NEDD9: variants seen among roughly 807,000 people sequenced by gnomAD.
The protein encoded by NEDD9 is neural precursor cell expressed, developmentally down-regulated 9.
A neutral mutation model predicts 76.6 loss-of-function variants in NEDD9; 26 were observed. The observed-to-expected ratio is 0.34, with a 90% confidence interval of 0.25 to 0.47. NEDD9 has a LOEUF of 0.47. Among genes scored for constraint, NEDD9 ranks in the 20% least tolerant of loss-of-function variants. The pLI is 1.00. For synonymous variants in NEDD9, 392 were observed against 414.2 expected (o/e 0.95, Z 0.65); for missense variants, 937 against 1,058.5 (o/e 0.89, Z 1.59).
intron 1 of NEDD9, among the ~76,000 whole-genome samples, chr6:11,225,800 CTTTTT>C (rs5874311): frequency 7.4e-6 from 1 of 135,180 alleles, no homozygotes; most frequent in Non-Finnish European, 1.6e-5. Context: ...CGCGCCCGGC[CTTTTT>C]TTTTTTTTTT....
In NEDD9 at chr6:11,196,857, C is replaced by T. The variant is rs371487775; in HGVS notation, c.460-3165G>A. 5.3e-3 allele frequency among the ~76,000 whole-genome samples: 806 copies of T among 152,222 alleles called. 3 individuals are homozygous for T. Among genetic ancestry groups the T allele is most frequent in the Non-Finnish European group, 8.3e-3 (566 of 68,020 alleles). ...TTGTGACGTGTGGAAGATCAGGGAG[C>T]TCGAAGTCTTCTACTTTTGGACATT... On this transcript the variant is annotated intron_variant, in intron 2 of 6. Transcript: ENST00000379446.
At chr6:11,361,592 T>G (rs1762680582) in intron 1 of NEDD9, among the ~76,000 whole-genome samples, 1 of 152,158 alleles carries the variant, frequency 6.6e-6, no homozygotes, top group African/African-American at 2.4e-5. Flanking sequence ...AGGCCCCACC[T>G]TCAGCACTGG....
At chr6:11,339,639 T>A (rs556889069) in intron 1 of NEDD9, among the ~76,000 whole-genome samples, 1 of 152,370 alleles carries the variant, frequency 6.6e-6, no homozygotes, top group South Asian at 2.1e-4. Context: ...ACACATGTTA[T>A]GCCAGATGAA....
intron 3 of NEDD9, among the ~76,000 whole-genome samples, chr6:11,244,164 T>A (rs1759763748): frequency 1.3e-5 from 2 of 152,136 alleles, no homozygotes; most frequent in Non-Finnish European, 2.9e-5. Flanking sequence ...CAACATCAGC[T>A]CTTCCCAGGG....
At chr6:11,267,235 C>G in intron 3 of NEDD9, among the ~76,000 whole-genome samples, 1 of 152,188 alleles carries the variant, frequency 6.6e-6, no homozygotes, top group Non-Finnish European at 1.5e-5. Context: ...GCAAATGTGT[C>G]CTTTCAAGAA....
chr6:11,360,393 G>A (rs1762657347), intron 1 of NEDD9, among the ~76,000 whole-genome samples: 1 of 152,168 alleles, frequency 6.6e-6, no homozygotes, highest in Admixed American at 6.5e-5. Context: ...AGAACTGTGT[G>A]GTCACCACTT....
rs778864667 is a variant in NEDD9, at chr6:11,190,684, G to T, written c.1185C>A (p.Ser395=). Residue 395 remains serine, a synonymous_variant, in exon 5 of 7, where the codon TCC becomes TCA. Coordinates refer to ENST00000379446, the MANE Select transcript of NEDD9 (RefSeq NM_006403.4). The surrounding 1 kb of genome is among the most constrained non-coding windows in gnomAD (Gnocchi z 5.8). ...TSSKESSLSA[S]PAQDKRLFLD... ...GGAAGAGCCTTTTGTCCTGAGCTGGGGAGGCTGACAGTGAGGACTCCTTGG... is the reference window on the plus strand; with the variant it reads ...GGAAGAGCCTTTTGTCCTGAGCTGGTGAGGCTGACAGTGAGGACTCCTTGG... 1.4e-5 allele frequency: 23 copies of T among 1,614,048 alleles called. No homozygotes were observed. Among genetic ancestry groups the T allele is most frequent in the Non-Finnish European group, 1.9e-5 (23 of 1,180,046 alleles).
intron 2 of NEDD9, among the ~76,000 whole-genome samples, chr6:11,194,336 G>T (rs1581946764): frequency 6.6e-6 from 1 of 152,178 alleles, no homozygotes; most frequent in South Asian, 2.1e-4. Context: ...AGTCCTAGAG[G>T]AGCATTTTGC....
At chr6:11,220,832 A>G (rs1463377930) in intron 1 of NEDD9, among the ~76,000 whole-genome samples, 1 of 152,228 alleles carries the variant, frequency 6.6e-6, no homozygotes, top group East Asian at 1.9e-4. Context: ...TACTTGAATG[A>G]ATGCCATCTA....
chr6:11,375,167 G>A (rs377366095), intron 1 of NEDD9, among the ~76,000 whole-genome samples: 1 of 152,156 alleles, frequency 6.6e-6, no homozygotes, highest in South Asian at 2.1e-4. Flanking sequence ...ATGATAGACT[G>A]TCATACATTC....
At chr6:11,309,887 A>T (rs1465868699) in intron 2 of NEDD9, among the ~76,000 whole-genome samples, 1 of 152,214 alleles carries the variant, frequency 6.6e-6, no homozygotes, top group Non-Finnish European at 1.5e-5. Flanking sequence ...TATGGCAGCT[A>T]AGGGAAGATT....
chr6:11,188,245 C>G lies in NEDD9; in HGVS notation c.1968G>C (p.Gln656His). The G allele has an allele frequency of 6.2e-7, 1 of 1,614,120 alleles. No homozygotes were observed. Among genetic ancestry groups the G allele is most frequent in the Non-Finnish European group, 8.5e-7 (1 of 1,179,984 alleles). ...GATGATGTTCCAGCTGCATCTTGTT[C>G]TGTTTCATGATATTCTCTTTTTCCA... ...ELLEKENIMK[Q>H]NKMQLEHHQL... The change falls in exon 6 of 7, where the codon CAG (glutamine) becomes CAC (histidine). Residue 656 changes from glutamine (Q) to histidine (H), a missense_variant. By Grantham distance (24) the Gln-to-His change is conservative. Transcript: ENST00000379446.
intron 2 of NEDD9, among the ~76,000 whole-genome samples, chr6:11,208,175 C>G (rs369205264): frequency 7.1e-6 from 1 of 140,732 alleles, no homozygotes; most frequent in Admixed American, 7.1e-5. Flanking sequence ...GAGACCCTGA[C>G]TCAAAAAAAA....
chr6:11,299,280 G>A (rs193279545), intron 3 of NEDD9, among the ~76,000 whole-genome samples: 2 of 152,208 alleles, frequency 1.3e-5, no homozygotes, highest in South Asian at 4.1e-4. Context: ...GCAGCTTGAG[G>A]GGGGGAGGGG....
chr6:11,228,104 G>T (rs1382008278), intron 1 of NEDD9, among the ~76,000 whole-genome samples: 1 of 151,306 alleles, frequency 6.6e-6, no homozygotes, highest in East Asian at 1.9e-4. Flanking sequence ...TGCGGGTGGG[G>T]GGCTGGGGAG....
intron 1 of NEDD9, among the ~76,000 whole-genome samples, chr6:11,354,386 T>C (rs1762528653): frequency 6.6e-6 from 1 of 152,168 alleles, no homozygotes; most frequent in East Asian, 1.9e-4. Context: ...TGGAGTCCCA[T>C]GGGTTCTGGG....
chr6:11,192,932 C>CAAAA (rs71550759), intron 3 of NEDD9, among the ~76,000 whole-genome samples: 2 of 28,162 alleles, frequency 7.1e-5, no homozygotes, highest in African/African-American at 1.6e-4. Flanking sequence ...GACTCTGTCT[C>CAAAA]AAAAAAAAAA....
chr6:11,339,283 T>C (rs1325091165), intron 1 of NEDD9, among the ~76,000 whole-genome samples: 1 of 152,230 alleles, frequency 6.6e-6, no homozygotes, highest in Non-Finnish European at 1.5e-5. Context: ...GATGACTGCA[T>C]AGTATTTCTT....
intron 2 of NEDD9, among the ~76,000 whole-genome samples, chr6:11,202,845 G>A (rs536449086): frequency 6.6e-6 from 1 of 152,284 alleles, no homozygotes; most frequent in African/African-American, 2.4e-5. Context: ...TTTTATGCCA[G>A]AACTAAACCT....
Sources: gnomAD v4.1 joint callset for allele counts (sites outside exome capture counted in the v4.1 genomes callset) on GRCh38, gnomAD v4.1.1 for gene constraint, Gnocchi (gnomAD v3.1) non-coding constraint, MANE v1.5 for transcripts, NCBI Gene and HGNC (gene_info 2026-07-23, HGNC 2026-07-21) for gene names.